The following SLC4A1 variants were observed in gnomAD, a reference collection of about 807,000 sequenced individuals.
SLC4A1 encodes solute carrier family 4 member 1 (Diego blood group), also known as band 3 anion transport protein.
In SLC4A1, 29 loss-of-function variants were observed where a neutral mutation model predicts 93.1. The ratio of observed to expected loss-of-function variants is 0.31; its 90% confidence interval spans 0.23 to 0.42. The LOEUF is 0.42. Ranked by LOEUF, SLC4A1 falls within the 20% of genes least tolerant of loss-of-function variation. SLC4A1 has a pLI of 1.00. For missense variants in SLC4A1, 965 were observed against 1,190.1 expected (o/e 0.81, Z 2.78); for synonymous variants, 469 against 497.2 (o/e 0.94, Z 0.76).
At chr17:44,254,730 GC>G (rs1439399546) in intron 15 of SLC4A1, 68 bp from the exon 16 acceptor site, 3 of 1,509,824 alleles carry the variant, frequency 2.0e-6, no homozygotes, top group East Asian at 4.6e-5. Context: ...AGCAGGAGGA[GC>G]CAGGGTCCTA....
At chr17:44,267,326 G>A (rs1366956654) in intron 1 of SLC4A1, among the ~76,000 whole-genome samples, 1 of 152,186 alleles carries the variant, frequency 6.6e-6, no homozygotes, top group Non-Finnish European at 1.5e-5. Flanking sequence ...TGTAAAATGG[G>A]GGTGATGATA....
intron 1 of SLC4A1, among the ~76,000 whole-genome samples, chr17:44,264,741 G>T (rs565208664): frequency 6.6e-6 from 1 of 152,116 alleles, no homozygotes; most frequent in Non-Finnish European, 1.5e-5. Context: ...TGAGCTCGGG[G>T]TCTCAGTTTT....
chr17:44,250,386 T>A lies in SLC4A1; in HGVS notation c.*72A>T, dbSNP rs2047327586. On this transcript the variant is annotated 3_prime_UTR_variant, in exon 20 of 20. Coordinates refer to ENST00000262418, the MANE Select transcript of SLC4A1 (RefSeq NM_000342.4). The stretch of plus-strand genomic sequence containing the variant: ...GATCCTGGAGTCCATGAGGTGCCCA[T>A]GAACTTCTGCTTTTCCTTGGAAGGT... 1.6e-6 allele frequency: 2 copies of A among 1,288,916 alleles called. No individual in the cohort carries two copies. Among genetic ancestry groups the A allele is most frequent in the Non-Finnish European group, 2.3e-6 (2 of 887,186 alleles). The allele number at this position is 1,288,916 out of a possible 1,614,324, so 79.8% of individuals were successfully genotyped here. A position where few individuals can be genotyped will look rare whatever the true frequency, so the allele number is the denominator to read the frequency against.
chr17:44,256,150 TCCAA>T (rs1178592412), intron 13 of SLC4A1, among the ~76,000 whole-genome samples: 1 of 152,092 alleles, frequency 6.6e-6, no homozygotes, highest in African/African-American at 2.4e-5. Context: ...CATCCATCCA[TCCAA>T]CCATCCATCC....
Position 44,254,463 on chromosome 17 carries a change from CCTCCCAGGCCCAG to C in SLC4A1, c.2057+20_2057+32del. ...CCAGGGAAAGGTCCCTGCCTCCCAC[CCTCCCAGGCCCAG>C]CCCCCACCCTGTCTCTCACGTGGTG... On this transcript the variant is annotated intron_variant, in intron 16 of 19. Coordinates refer to ENST00000262418, the MANE Select transcript of SLC4A1 (RefSeq NM_000342.4). 2 of 1,318,256 alleles carry C rather than the reference CCTCCCAGGCCCAG, an allele frequency of 1.5e-6. No individual in the cohort carries two copies. The highest frequency in any genetic ancestry group is 2.2e-6 in the Non-Finnish European group (2 of 924,326). 81.7% of individuals were successfully genotyped at this position (1,318,256 alleles called of 1,614,324 possible). A position where few individuals can be genotyped will look rare whatever the true frequency, so the allele number is the denominator to read the frequency against.
chr17:44,262,048 C>T, intron 3 of SLC4A1: 5 of 1,161,512 alleles, frequency 4.3e-6, no homozygotes, highest in Non-Finnish European at 5.4e-6. Flanking sequence ...AGCCCGTCAG[C>T]ACAGTGTCTC....
At chr17:44,263,870 A>G (rs965959505) in intron 1 of SLC4A1, among the ~76,000 whole-genome samples, 3 of 151,708 alleles carry the variant, frequency 2.0e-5, no homozygotes, top group African/African-American at 7.3e-5. Context: ...CCTGGGCCCC[A>G]GGGATCCTCC....
rs2047492749 is a variant in SLC4A1 at position 44,265,977 on chromosome 17, C to T, written c.-69+2077G>A. 2.1e-5 allele frequency among the ~76,000 whole-genome samples: 3 copies of T among 145,580 alleles called. No individual in the cohort carries two copies. The South Asian group carries it at 6.5e-4, about 31-fold the overall frequency. ...CCTGGGCAACAGAGCGAGACTCCGT[C>T]TCAAAAAAAAAAAAAAAAGAAAGAA... On this transcript the variant is annotated intron_variant, in intron 1 of 19. Coordinates refer to ENST00000262418, the MANE Select transcript of SLC4A1 (RefSeq NM_000342.4).
chr17:44,264,558 G>A (rs142909267), intron 1 of SLC4A1, among the ~76,000 whole-genome samples: 28 of 152,358 alleles, frequency 1.8e-4, no homozygotes, highest in East Asian at 5.8e-4. Flanking sequence ...ACCTGAGTGC[G>A]AAGACCCTGT....
intron 19 of SLC4A1, among the ~76,000 whole-genome samples, chr17:44,250,949 T>C (rs937931483): frequency 2.0e-5 from 3 of 152,134 alleles, no homozygotes; most frequent in Non-Finnish European, 4.4e-5. Flanking sequence ...AGTCGTGCCA[T>C]CATTTCCCCC....
In SLC4A1 at chr17:44,251,152, C is replaced by A; in HGVS notation, c.2655+7G>T. ...CTCTTGTGCCCCAGGCCCAGGCAGC[C>A]ACTCACACACTGAAGCTCCACGTTC... On this transcript the variant is annotated splice_region_variant and intron_variant, in intron 19 of 19. Coordinates refer to ENST00000262418, the MANE Select transcript of SLC4A1 (RefSeq NM_000342.4). 1 of 1,592,276 alleles carries A rather than the reference C, an allele frequency of 6.3e-7. No homozygotes were observed. Among genetic ancestry groups the A allele is most frequent in the Non-Finnish European group, 8.5e-7 (1 of 1,169,600 alleles).
chr17:44,248,888 C>A lies in SLC4A1; in HGVS notation c.*1570G>T, dbSNP rs1346189316. ...TTTTTTTTTTTTTTTGAGACAGGGT[C>A]TCGCTCTGTTGCCCAGGCTGGAGTG... On this transcript the variant is annotated 3_prime_UTR_variant, in exon 20 of 20. Coordinates refer to ENST00000262418, the MANE Select transcript of SLC4A1 (RefSeq NM_000342.4). 6.6e-5 allele frequency: 7 copies of A among 106,586 alleles called. No homozygotes were observed. In the South Asian group the frequency reaches 1.6e-3, roughly 25 times the overall value. The allele number at this position is 106,586 out of a possible 1,614,324, so 6.6% of individuals were successfully genotyped here. A position where few individuals can be genotyped will look rare whatever the true frequency, so the allele number is the denominator to read the frequency against.
chr17:44,257,458 G>A lies in SLC4A1; in HGVS notation c.1518C>T (p.Ala506=), dbSNP rs368927166. Residue 506 remains alanine, a synonymous_variant, in exon 13 of 20, where the codon GCC becomes GCT. Coordinates refer to ENST00000262418, the MANE Select transcript of SLC4A1 (RefSeq NM_000342.4). ...AGCGGACCAGGAAGCTACCCTCGAAGGCCACCACCAACACCACCAGCAGGA... is the reference window on the plus strand; with the variant it reads ...AGCGGACCAGGAAGCTACCCTCGAAAGCCACCACCAACACCACCAGCAGGA... ...WLILLVVLVV[A]FEGSFLVRFI... The A allele has an allele frequency of 6.2e-7, 1 of 1,614,086 alleles. No homozygotes were observed. Among genetic ancestry groups the A allele is most frequent in the East Asian group, 2.2e-5 (1 of 44,880 alleles).
chr17:44,267,863 C>A (rs187054681), intron 1 of SLC4A1, among the ~76,000 whole-genome samples, 191 bp downstream of exon 1: 1 of 152,284 alleles, frequency 6.6e-6, no homozygotes, highest in Admixed American at 6.5e-5. Flanking sequence ...CCACCCTCCT[C>A]TTTTCAGGTG....
chr17:44,262,534 C>T lies in SLC4A1; in HGVS notation c.106+102G>A, dbSNP rs898137441. ...ATTGAGGGGAGAACGGCCCGTGGTGCTTGGGAGGAGGACTGTGGAGAAGGG... is the reference window on the plus strand; with the variant it reads ...ATTGAGGGGAGAACGGCCCGTGGTGTTTGGGAGGAGGACTGTGGAGAAGGG... On this transcript the variant is annotated intron_variant, in intron 3 of 19. Coordinates refer to ENST00000262418, the MANE Select transcript of SLC4A1 (RefSeq NM_000342.4). 7.1e-6 allele frequency: 6 copies of T among 839,852 alleles called. No individual in the cohort carries two copies. The African/African-American group carries it at 1.0e-4, about 14-fold the overall frequency. 52.0% of individuals were successfully genotyped at this position (839,852 alleles called of 1,614,324 possible). A position where few individuals can be genotyped will look rare whatever the true frequency, so the allele number is the denominator to read the frequency against.
At chr17:44,267,035 T>C (rs1652846801) in intron 1 of SLC4A1, among the ~76,000 whole-genome samples, 1 of 152,148 alleles carries the variant, frequency 6.6e-6, no homozygotes, top group South Asian at 2.1e-4. Context: ...GTAATGTCAT[T>C]AATCCATTCT....
At chr17:44,263,075 G>A in intron 1 of SLC4A1, 141 bp from the exon 2 acceptor site, 1 of 717,158 alleles carries the variant, frequency 1.4e-6, no homozygotes, top group East Asian at 2.7e-5. Flanking sequence ...TGGAGGGAAA[G>A]GGAGAACGAG....
At chr17:44,255,496 G>T (rs947770652) in intron 14 of SLC4A1, among the ~76,000 whole-genome samples, 177 bp downstream of exon 14, 2 of 152,294 alleles carry the variant, frequency 1.3e-5, no homozygotes, top group African/African-American at 4.8e-5. Context: ...CATGAAAGTG[G>T]GAGGGGCTTG....
rs55773290 is a variant in SLC4A1 at position 44,262,650 on chromosome 17, A to C, written c.92T>G (p.Met31Arg). 1.9e-6 allele frequency: 3 copies of C among 1,612,710 alleles called. No individual in the cohort carries two copies. Among genetic ancestry groups the C allele is most frequent in the Admixed American group, 3.3e-5 (2 of 59,872 alleles). Residue 31 changes from methionine to arginine, a missense_variant, in exon 3 of 20, where the codon ATG becomes AGG. Physicochemically the swap from Met to Arg is moderately conservative, Grantham distance 91. This residue lies in a region of SLC4A1 where 195 missense variants were observed against 183.5 expected (regional missense o/e 1.06). Transcript: ENST00000262418. ...GAGGGGCTCACCTGCCGGCTCCTCC[A>C]TCTGGGACTCGGGGATGTCTGGGTC... ...YEDPDIPESQ[M>R]EEPAAHDTEA... is the part of the protein sequence containing the mutation.
Sources: allele counts gnomAD v4.1 joint callset (sites outside exome capture counted in the v4.1 genomes callset), GRCh38; gene constraint gnomAD v4.1.1; regional missense constraint gnomAD v4.1.1; transcripts MANE v1.5; gene names NCBI Gene and HGNC (gene_info 2026-07-23, HGNC 2026-07-21).